The following FAM124A variants were observed in gnomAD, a reference collection of about 807,000 sequenced individuals.
FAM124A encodes family with sequence similarity 124 member A.
A neutral mutation model predicts 24.5 loss-of-function variants in FAM124A; 23 were observed. That is an observed-to-expected ratio of 0.94 (90% CI 0.68 to 1.33). The LOEUF (loss-of-function observed/expected upper bound fraction) is 1.33, where lower values mean the gene tolerates loss of function less well. FAM124A is among the 40% of genes most tolerant of loss of function. The probability of loss-of-function intolerance (pLI) is 0.00; values close to 1 mark genes in which losing one functional copy is unlikely to be tolerated. For missense variants in FAM124A, 623 were observed against 722.8 expected (o/e 0.86, Z 1.58); for synonymous variants, 287 against 314.7 (o/e 0.91, Z 0.93).
At chr13:51,273,413 C>G (rs1370805866) in intron 3 of FAM124A, among the ~76,000 whole-genome samples, 1 of 152,214 alleles carries the variant, frequency 6.6e-6, no homozygotes, top group Non-Finnish European at 1.5e-5. Flanking sequence ...AGATTCCAGT[C>G]AGGCTCGCAG....
At chr13:51,264,892 T>C (rs192837071) in intron 3 of FAM124A, among the ~76,000 whole-genome samples, 1 of 152,356 alleles carries the variant, frequency 6.6e-6, no homozygotes, top group East Asian at 1.9e-4. Context: ...ATGCTAAGAA[T>C]CATTTTTCCT....
At chr13:51,244,267 C>T (rs1185029315) in intron 2 of FAM124A, among the ~76,000 whole-genome samples, 1 of 152,180 alleles carries the variant, frequency 6.6e-6, no homozygotes, top group South Asian at 2.1e-4. Flanking sequence ...AAGTGTCTGT[C>T]TGTAGGACTT....
At position 51,222,434 on chromosome 13, in the gene FAM124A, C is replaced by A; in HGVS notation, c.-68C>A. On this transcript the variant is annotated 5_prime_UTR_variant, in exon 1 of 4. Transcript: ENST00000322475. ...GGGAGCCCGGCCGGCTCGGACTGGG[C>A]GGCCGGGAGGGAGGGCGCCCCGGGT... The A allele has an allele frequency of 8.6e-7, 1 of 1,162,530 alleles. No homozygotes were observed. Among genetic ancestry groups the A allele is most frequent in the Non-Finnish European group, 1.1e-6 (1 of 940,552 alleles). 72.0% of individuals were successfully genotyped at this position (1,162,530 alleles called of 1,614,324 possible).
chr13:51,260,070 G>A (rs747642442), intron 3 of FAM124A, among the ~76,000 whole-genome samples: 2 of 152,128 alleles, frequency 1.3e-5, no homozygotes, highest in Non-Finnish European at 2.9e-5. Flanking sequence ...GTGTCCGGGA[G>A]GAGGGCTCCT....
At chr13:51,278,653 C>G (rs1033840539) in intron 3 of FAM124A, among the ~76,000 whole-genome samples, 1 of 152,196 alleles carries the variant, frequency 6.6e-6, no homozygotes, top group Non-Finnish European at 1.5e-5. Context: ...CCACTGTGCA[C>G]GTGGGCACCC....
intron 3 of FAM124A, among the ~76,000 whole-genome samples, chr13:51,267,617 A>G (rs1394509718): frequency 6.6e-6 from 1 of 151,234 alleles, no homozygotes; most frequent in Non-Finnish European, 1.5e-5. Context: ...TTTTTTTTCT[A>G]AAAGTGTTCT....
At chr13:51,274,226 A>G (rs1954865054) in intron 3 of FAM124A, among the ~76,000 whole-genome samples, 1 of 152,096 alleles carries the variant, frequency 6.6e-6, no homozygotes, top group Non-Finnish European at 1.5e-5. Context: ...TCCTTGCCAC[A>G]TTTTCACAAG....
At chr13:51,240,777 G>T (rs1178600196) in intron 2 of FAM124A, among the ~76,000 whole-genome samples, 2 of 152,166 alleles carry the variant, frequency 1.3e-5, no homozygotes, top group Non-Finnish European at 2.9e-5. Context: ...ACTTCATCTT[G>T]AGCTGCCGCC....
intron 3 of FAM124A, among the ~76,000 whole-genome samples, chr13:51,275,209 C>CAAAA (rs34573330): frequency 2.9e-5 from 3 of 101,934 alleles, no homozygotes; most frequent in South Asian, 5.6e-4. Context: ...CCTGTATATA[C>CAAAA]AAAAAAAAAA....
At chr13:51,255,514 C>G (rs1388777121) in intron 3 of FAM124A, among the ~76,000 whole-genome samples, 1 of 152,190 alleles carries the variant, frequency 6.6e-6, no homozygotes, top group Non-Finnish European at 1.5e-5. Context: ...CTTGTAGCAG[C>G]AAAAGCAAAA....
chr13:51,265,955 A>C (rs1954780926), intron 3 of FAM124A, among the ~76,000 whole-genome samples: 1 of 152,244 alleles, frequency 6.6e-6, no homozygotes, highest in Non-Finnish European at 1.5e-5. Context: ...GTGGCTCACC[A>C]AAAAACTATA....
intron 2 of FAM124A, among the ~76,000 whole-genome samples, chr13:51,234,515 T>A (rs1954414843): frequency 6.6e-6 from 1 of 152,190 alleles, no homozygotes; most frequent in African/African-American, 2.4e-5. Context: ...ATTAGCCACA[T>A]GCTCTTGGGT....
intron 3 of FAM124A, among the ~76,000 whole-genome samples, chr13:51,273,820 G>C (rs1029719913): frequency 2.0e-5 from 3 of 152,144 alleles, no homozygotes; most frequent in African/African-American, 7.2e-5. Context: ...TATGTCACGG[G>C]ATATTTCTCT....
chr13:51,252,267 A>G, intron 3 of FAM124A, 66 bp downstream of exon 3: 1 of 1,549,854 alleles, frequency 6.5e-7, no homozygotes, highest in South Asian at 1.2e-5. Context: ...TGCCTCAAAC[A>G]CTATAGTACC....
chr13:51,232,121 A>T (rs1192812813), intron 2 of FAM124A, among the ~76,000 whole-genome samples: 1 of 152,206 alleles, frequency 6.6e-6, no homozygotes, highest in African/African-American at 2.4e-5. Context: ...TGGTTATTAT[A>T]TGCAGCAGAA....
intron 3 of FAM124A, among the ~76,000 whole-genome samples, chr13:51,256,434 T>G (rs140164877): frequency 6.6e-6 from 1 of 152,242 alleles, no homozygotes; most frequent in East Asian, 1.9e-4. Flanking sequence ...AAACCTGACA[T>G]AGAGAATTAT....
intron 3 of FAM124A, among the ~76,000 whole-genome samples, chr13:51,259,717 T>C (rs1029412438): frequency 6.6e-6 from 1 of 152,176 alleles, no homozygotes; most frequent in Non-Finnish European, 1.5e-5. Flanking sequence ...CACTGTAAGC[T>C]GCCAGCGCAC....
Position 51,258,746 on chromosome 13 carries a change from T to C in FAM124A, c.834+6545T>C, listed in dbSNP as rs1954700765. Among the ~76,000 whole-genome samples the C allele has an allele frequency of 6.6e-6, 1 of 152,212 alleles. No individual in the cohort carries two copies. The highest frequency in any genetic ancestry group is 2.4e-5 in the African/African-American group (1 of 41,442). On this transcript the variant is annotated intron_variant, in intron 3 of 3. Coordinates refer to ENST00000322475, the MANE Select transcript of FAM124A (RefSeq NM_001242312.2). This position sits in a 1 kb window ranked among gnomAD's most constrained non-coding sequence, Gnocchi z 4.2. Reference sequence around the variant, plus strand: ...AACACTTAGGATGGTAATTCTTCCCTAGCAGAGTCACTGAGACCTGTGGGA... The same window carrying C: ...AACACTTAGGATGGTAATTCTTCCCCAGCAGAGTCACTGAGACCTGTGGGA...
At chr13:51,246,582 G>T (rs954946525) in intron 2 of FAM124A, among the ~76,000 whole-genome samples, 1 of 152,114 alleles carries the variant, frequency 6.6e-6, no homozygotes, top group African/African-American at 2.4e-5. Flanking sequence ...ACATGTCCCT[G>T]GTTCAGGCAG....
Sources: gnomAD v4.1 joint callset for allele counts (sites outside exome capture counted in the v4.1 genomes callset) on GRCh38, gnomAD v4.1.1 for gene constraint, Gnocchi (gnomAD v3.1) non-coding constraint, MANE v1.5 for transcripts, NCBI Gene and HGNC (gene_info 2026-07-23, HGNC 2026-07-21) for gene names.